ZFAND3: variants seen among roughly 807,000 people sequenced by gnomAD.
ZFAND3 encodes zinc finger AN1-type containing 3, also known as AN1-type zinc finger protein 3.
Under a neutral mutation model 29.6 loss-of-function variants are expected in ZFAND3, and 10 were observed. The ratio of observed to expected loss-of-function variants is 0.34; its 90% confidence interval spans 0.21 to 0.57. The LOEUF (loss-of-function observed/expected upper bound fraction) is 0.57, where lower values mean the gene tolerates loss of function less well. Ranked by LOEUF, ZFAND3 falls within the 20% of genes least tolerant of loss-of-function variation. ZFAND3 has a pLI of 0.86. For missense variants in ZFAND3, 230 were observed against 304.5 expected (o/e 0.76, Z 1.82); for synonymous variants, 128 against 112.6 (o/e 1.14, Z -0.87).
chr6:37,910,783 T>A (rs757217925), intron 1 of ZFAND3, among the ~76,000 whole-genome samples: 9 of 152,176 alleles, frequency 5.9e-5, no homozygotes, highest in Non-Finnish European at 1.0e-4. Flanking sequence ...TGCACATAAA[T>A]GAGATCATGT....
chr6:37,838,942 T>G (rs1764019239), intron 1 of ZFAND3, among the ~76,000 whole-genome samples: 1 of 152,214 alleles, frequency 6.6e-6, no homozygotes, highest in Non-Finnish European at 1.5e-5. Flanking sequence ...CAGCAATGTA[T>G]GAAGACTCCA....
chr6:37,981,153 C>A (rs995605915), intron 2 of ZFAND3, among the ~76,000 whole-genome samples: 3 of 152,190 alleles, frequency 2.0e-5, no homozygotes, highest in Non-Finnish European at 4.4e-5. Flanking sequence ...AGCCTAGAGG[C>A]TGATAGGGAT....
chr6:38,124,740 C>A lies in ZFAND3; in HGVS notation c.529+8001C>A, dbSNP rs568427831. The stretch of plus-strand genomic sequence containing the variant: ...GCAAGCTGAGGGAGCTGGCTCTGGC[C>A]TCAACCAGCCCAGAGAGGGGCCCCC... On this transcript the variant is annotated intron_variant, in intron 5 of 5. Coordinates refer to ENST00000287218, the MANE Select transcript of ZFAND3 (RefSeq NM_021943.3). 3.1e-3 allele frequency among the ~76,000 whole-genome samples: 468 copies of A among 152,348 alleles called. 2 individuals carry two copies. Among genetic ancestry groups the A allele is most frequent in the African/African-American group, 0.011 (445 of 41,582 alleles).
At chr6:38,037,161 G>T (rs56413211) in intron 2 of ZFAND3, among the ~76,000 whole-genome samples, 10,374 of 152,228 alleles carry the variant, frequency 0.068, 426 homozygotes, top group Non-Finnish European at 0.087. Context: ...ATATCCCTTG[G>T]CCATGTCTAC....
chr6:38,058,308 G>A (rs1009164913), intron 2 of ZFAND3, among the ~76,000 whole-genome samples: 2 of 152,160 alleles, frequency 1.3e-5, no homozygotes, highest in Non-Finnish European at 2.9e-5. Context: ...CAATTAAATG[G>A]TAGACAGATG....
At chr6:38,128,861 G>A (rs1190129067) in intron 5 of ZFAND3, among the ~76,000 whole-genome samples, 1 of 152,224 alleles carries the variant, frequency 6.6e-6, no homozygotes, top group African/African-American at 2.4e-5. Flanking sequence ...TAGATACCCA[G>A]TAGTGGGATT....
chr6:37,997,118 C>T (rs1762864073), intron 2 of ZFAND3, among the ~76,000 whole-genome samples: 1 of 152,056 alleles, frequency 6.6e-6, no homozygotes, highest in African/African-American at 2.4e-5. Context: ...GTGTTATATT[C>T]CTTGTAAAGT....
At chr6:38,134,488 A>G (rs1765803650) in intron 5 of ZFAND3, among the ~76,000 whole-genome samples, 1 of 152,142 alleles carries the variant, frequency 6.6e-6, no homozygotes, top group Non-Finnish European at 1.5e-5. Context: ...TCCTCCACTC[A>G]GCCCCTAGAA....
chr6:38,128,403 G>A (rs189472071), intron 5 of ZFAND3, among the ~76,000 whole-genome samples: 75 of 152,224 alleles, frequency 4.9e-4, no homozygotes, highest in Admixed American at 1.8e-3. Context: ...TTCTTTAGTG[G>A]TAATTTGTGA....
chr6:38,044,561 C>T (rs972394794), intron 2 of ZFAND3, among the ~76,000 whole-genome samples: 4 of 152,018 alleles, frequency 2.6e-5, no homozygotes, highest in African/African-American at 7.3e-5. Context: ...TTTTCCTTGT[C>T]GCTCTTAGTT....
At chr6:37,857,765 G>C (rs1192239173) in intron 1 of ZFAND3, among the ~76,000 whole-genome samples, 1 of 152,216 alleles carries the variant, frequency 6.6e-6, no homozygotes, top group Admixed American at 6.5e-5. Flanking sequence ...GCCTCCATAA[G>C]AGTATAATAG....
chr6:38,033,045 G>T (rs78042335), intron 2 of ZFAND3, among the ~76,000 whole-genome samples: 2,218 of 152,128 alleles, frequency 0.015, 50 homozygotes, highest in African/African-American at 0.051. Context: ...CTTTAGGAAG[G>T]CAGTGAGAAA....
intron 2 of ZFAND3, among the ~76,000 whole-genome samples, chr6:37,951,157 T>G (rs925891951): frequency 2.6e-5 from 4 of 152,228 alleles, no homozygotes; most frequent in African/African-American, 2.4e-5. Context: ...GATTGCAGTC[T>G]TGATTTGGCT....
chr6:38,092,480 A>G (rs540006331), intron 4 of ZFAND3, among the ~76,000 whole-genome samples: 197 of 152,366 alleles, frequency 1.3e-3, no homozygotes, highest in Non-Finnish European at 2.3e-3. Flanking sequence ...TATGCCAATC[A>G]TTAGGAGCAA....
intron 2 of ZFAND3, among the ~76,000 whole-genome samples, chr6:38,037,583 G>T (rs564629133): frequency 1.6e-4 from 24 of 152,300 alleles, no homozygotes; most frequent in African/African-American, 5.8e-4. Context: ...CAGGTAAAAG[G>T]TATACATGCT....
Position 38,116,553 on chromosome 6 carries a change from A to G in ZFAND3, c.362-19A>G, listed in dbSNP as rs765108718. On this transcript the variant is annotated intron_variant, in intron 4 of 5. Coordinates refer to ENST00000287218, the MANE Select transcript of ZFAND3 (RefSeq NM_021943.3). ...GGCCAGGCACTAATCCTGATCCCCA[A>G]ATATGTTGTTTTGGTCAGATTCACA... is the stretch of plus-strand genomic sequence containing the variant. 3 of 1,595,054 alleles carry G rather than the reference A, an allele frequency of 1.9e-6. No homozygotes were observed. In the African/African-American group the frequency reaches 4.0e-5, roughly 21 times the overall value.
intron 4 of ZFAND3, among the ~76,000 whole-genome samples, chr6:38,095,592 A>G (rs1764962704): frequency 1.3e-5 from 2 of 152,192 alleles, no homozygotes; most frequent in Admixed American, 6.5e-5. Context: ...ATTTCCTTTC[A>G]CTGCTCAAGC....
chr6:37,896,561 T>TCTTTC (rs1420748502), intron 1 of ZFAND3, among the ~76,000 whole-genome samples: 10 of 149,418 alleles, frequency 6.7e-5, no homozygotes, highest in Non-Finnish European at 1.2e-4. Flanking sequence ...TTTCTTTCTT[T>TCTTTC]CTTTCTTTCT....
chr6:38,043,233 C>T (rs915288480), intron 2 of ZFAND3, among the ~76,000 whole-genome samples: 1 of 151,716 alleles, frequency 6.6e-6, no homozygotes, highest in African/African-American at 2.4e-5. Flanking sequence ...CCCTCCGTAT[C>T]TCCCTTTTCC....
Sources: gnomAD v4.1 joint callset for allele counts (sites outside exome capture counted in the v4.1 genomes callset) on GRCh38, gnomAD v4.1.1 for gene constraint, MANE v1.5 for transcripts, NCBI Gene and HGNC (gene_info 2026-07-23, HGNC 2026-07-21) for gene names.